The following CNTNAP2 variants were observed in gnomAD, a reference collection of about 807,000 sequenced individuals.
CNTNAP2 encodes the protein contactin-associated protein-like 2.
A neutral mutation model predicts 155.2 loss-of-function variants in CNTNAP2; 98 were observed. That is an observed-to-expected ratio of 0.63 (90% CI 0.54 to 0.75). CNTNAP2 has a LOEUF of 0.75. Ranked by LOEUF, CNTNAP2 falls within the 30% of genes least tolerant of loss-of-function variation. CNTNAP2 has a pLI of 0.00. For missense variants in CNTNAP2, 1,727 were observed against 1,688.1 expected (o/e 1.02, Z -0.40); for synonymous variants, 651 against 631.2 (o/e 1.03, Z -0.47).
intron 1 of CNTNAP2, among the ~76,000 whole-genome samples, chr7:146,498,231 G>A (rs1797248897): frequency 1.3e-5 from 2 of 152,120 alleles, no homozygotes; most frequent in Admixed American, 6.6e-5. Context: ...AGGAATTATA[G>A]CATGAGTCTG....
chr7:148,102,852 T>C (rs926315650), intron 15 of CNTNAP2, among the ~76,000 whole-genome samples: 1 of 152,190 alleles, frequency 6.6e-6, no homozygotes, highest in East Asian at 1.9e-4. Context: ...AAGTTTATTT[T>C]GCCAAAGTTA....
intron 13 of CNTNAP2, among the ~76,000 whole-genome samples, chr7:147,791,975 CTTG>C (rs927009496): frequency 7.2e-5 from 11 of 152,190 alleles, no homozygotes; most frequent in African/African-American, 2.4e-4. Flanking sequence ...ACAAATGGGC[CTTG>C]TTGTTCCAAG....
At chr7:146,886,011 T>C (rs1795650824) in intron 3 of CNTNAP2, among the ~76,000 whole-genome samples, 1 of 151,324 alleles carries the variant, frequency 6.6e-6, no homozygotes, top group South Asian at 2.1e-4. Context: ...ATTTCAAGAA[T>C]AGACTAATTC....
chr7:146,142,021 A>T (rs917800255), intron 1 of CNTNAP2, among the ~76,000 whole-genome samples: 2 of 152,134 alleles, frequency 1.3e-5, no homozygotes, highest in African/African-American at 4.8e-5. Context: ...TTTTTTCTTA[A>T]CTTTGCCCAT....
At chr7:148,333,273 C>T (rs542948480) in intron 21 of CNTNAP2, among the ~76,000 whole-genome samples, 2 of 152,154 alleles carry the variant, frequency 1.3e-5, no homozygotes, top group African/African-American at 4.8e-5. Context: ...ACTAAAAATA[C>T]AAAAATTAGC....
intron 3 of CNTNAP2, among the ~76,000 whole-genome samples, chr7:146,966,565 G>C (rs981112340): frequency 6.6e-6 from 1 of 152,158 alleles, no homozygotes; most frequent in Non-Finnish European, 1.5e-5. Flanking sequence ...ATATCTTTGA[G>C]CTACTATTGA....
chr7:146,457,460 T>A (rs1796571424), intron 1 of CNTNAP2, among the ~76,000 whole-genome samples: 1 of 100,114 alleles, frequency 1.0e-5, no homozygotes, highest in African/African-American at 3.5e-5. Flanking sequence ...ATAATTTGAT[T>A]CATTTATAGC....
At chr7:146,642,305 C>T (rs1260564937) in intron 1 of CNTNAP2, among the ~76,000 whole-genome samples, 1 of 104,210 alleles carries the variant, frequency 9.6e-6, no homozygotes, top group Non-Finnish European at 1.8e-5. Flanking sequence ...CTATCCCTCC[C>T]CCCTCCCCCC....
At chr7:147,908,864 A>G (rs1412477120) in intron 14 of CNTNAP2, among the ~76,000 whole-genome samples, 1 of 152,256 alleles carries the variant, frequency 6.6e-6, no homozygotes, top group African/African-American at 2.4e-5. Flanking sequence ...AAATGAGGAC[A>G]AAGTACCCGT....
chr7:146,612,527 C>T (rs562578238), intron 1 of CNTNAP2, among the ~76,000 whole-genome samples: 13 of 152,090 alleles, frequency 8.5e-5, no homozygotes, highest in African/African-American at 3.1e-4. Context: ...TATGAGTATC[C>T]ATTCTTGTTG....
At chr7:146,513,115 TTTTG>T (rs1470384219) in intron 1 of CNTNAP2, among the ~76,000 whole-genome samples, 2 of 152,086 alleles carry the variant, frequency 1.3e-5, no homozygotes, top group African/African-American at 2.4e-5. Context: ...TATTCCTGCT[TTTTG>T]TTTGTTTGTC....
chr7:146,895,915 C>T (rs1330437750), intron 3 of CNTNAP2, among the ~76,000 whole-genome samples: 2 of 152,094 alleles, frequency 1.3e-5, no homozygotes, highest in East Asian at 3.9e-4. Flanking sequence ...ACTAAAGTAT[C>T]TTTCTGTGGA....
At chr7:146,308,099 A>G (rs187355819) in intron 1 of CNTNAP2, among the ~76,000 whole-genome samples, 1 of 140,516 alleles carries the variant, frequency 7.1e-6, no homozygotes, top group African/African-American at 2.8e-5. Context: ...GCTAATATCC[A>G]GAATCTACAA....
At chr7:146,663,130 T>C (rs1800121860) in intron 1 of CNTNAP2, among the ~76,000 whole-genome samples, 1 of 151,698 alleles carries the variant, frequency 6.6e-6, no homozygotes. Flanking sequence ...ATACAAATAA[T>C]AGCCGGCTGT....
intron 13 of CNTNAP2, among the ~76,000 whole-genome samples, chr7:147,727,906 C>T (rs974913320): frequency 6.6e-6 from 1 of 151,980 alleles, no homozygotes; most frequent in Non-Finnish European, 1.5e-5. Flanking sequence ...TGGTAGATTG[C>T]ATTGATCCAG....
chr7:147,552,143 C>T (rs1156603392), intron 11 of CNTNAP2, among the ~76,000 whole-genome samples: 2 of 152,068 alleles, frequency 1.3e-5, no homozygotes, highest in African/African-American at 4.8e-5. Flanking sequence ...CCACTGTGTC[C>T]TTCTATGGCC....
chr7:146,502,224 AATATATATATATATATATATATAT>A (rs59759183), intron 1 of CNTNAP2, among the ~76,000 whole-genome samples: 4 of 94,808 alleles, frequency 4.2e-5, no homozygotes, highest in African/African-American at 1.8e-4. Flanking sequence ...TATATATATG[AATATATATATATATATATATATAT>A]ATATATATAT....
chr7:148,066,489 T>C (rs1345923506), intron 15 of CNTNAP2, among the ~76,000 whole-genome samples: 9 of 152,074 alleles, frequency 5.9e-5, no homozygotes, highest in Admixed American at 5.2e-4. Context: ...TTAAATTCTT[T>C]TTTCTTTTTT....
chr7:148,037,174 G>A (rs1802586698), intron 15 of CNTNAP2, among the ~76,000 whole-genome samples: 1 of 152,158 alleles, frequency 6.6e-6, no homozygotes, highest in Non-Finnish European at 1.5e-5. Flanking sequence ...TCAAACATTT[G>A]AAGACATTAC....
Sources: gnomAD v4.1 joint callset for allele counts (sites outside exome capture counted in the v4.1 genomes callset) on GRCh38, gnomAD v4.1.1 for gene constraint, MANE v1.5 for transcripts, NCBI Gene and HGNC (gene_info 2026-07-23, HGNC 2026-07-21) for gene names.